The following GRM8 variants were observed in gnomAD, a reference collection of about 807,000 sequenced individuals.
GRM8 encodes glutamate metabotropic receptor 8, also known as metabotropic glutamate receptor 8.
In GRM8, 47 loss-of-function variants were observed where a neutral mutation model predicts 87.2. That is an observed-to-expected ratio of 0.54 (90% CI 0.43 to 0.69). GRM8 has a LOEUF of 0.69. Ranked by LOEUF, GRM8 falls within the 30% of genes least tolerant of loss-of-function variation. The pLI is 0.00. For missense variants in GRM8, 1,019 were observed against 1,139.2 expected (o/e 0.89, Z 1.52); for synonymous variants, 396 against 404.5 (o/e 0.98, Z 0.25).
chr7:126,965,590 T>C (rs1259349374), intron 3 of GRM8, among the ~76,000 whole-genome samples: 1 of 152,160 alleles, frequency 6.6e-6, no homozygotes, highest in Non-Finnish European at 1.5e-5. Context: ...TGACCCAAGA[T>C]ACCTGAAATA....
intron 6 of GRM8, among the ~76,000 whole-genome samples, chr7:126,781,991 G>A (rs563425335): frequency 5.9e-5 from 9 of 152,282 alleles, no homozygotes; most frequent in African/African-American, 2.2e-4. Flanking sequence ...TGGAATTATA[G>A]GCATGAGCCA....
intron 3 of GRM8, among the ~76,000 whole-genome samples, chr7:126,935,942 G>C (rs1485331749): frequency 6.6e-6 from 1 of 152,170 alleles, no homozygotes. Context: ...CAGAGATTCA[G>C]ACAGGGTAAG....
chr7:126,934,023 T>C (rs999467762), intron 3 of GRM8, among the ~76,000 whole-genome samples: 30 of 152,198 alleles, frequency 2.0e-4, no homozygotes, highest in African/African-American at 6.3e-4. Context: ...ACATTGTTCC[T>C]TTTGTATGCC....
intron 2 of GRM8, among the ~76,000 whole-genome samples, chr7:127,113,192 G>T (rs1173325523): frequency 1.9e-4 from 29 of 152,146 alleles, no homozygotes; most frequent in Admixed American, 1.9e-3. Context: ...TCAAAACATT[G>T]CAATAAGCTT....
chr7:126,547,357 C>T (rs1208120820), intron 8 of GRM8, among the ~76,000 whole-genome samples: 4 of 151,910 alleles, frequency 2.6e-5, no homozygotes, highest in Admixed American at 2.0e-4. Flanking sequence ...GTTATTATAA[C>T]TCCAGAGATT....
At chr7:126,959,243 C>T (rs1586598356) in intron 3 of GRM8, among the ~76,000 whole-genome samples, 1 of 152,136 alleles carries the variant, frequency 6.6e-6, no homozygotes, top group Admixed American at 6.5e-5. Context: ...GCAATAAGGA[C>T]AGTCTGCAGA....
intron 8 of GRM8, among the ~76,000 whole-genome samples, chr7:126,606,782 A>T (rs761858920): frequency 6.6e-6 from 1 of 152,246 alleles, no homozygotes; most frequent in Non-Finnish European, 1.5e-5. Flanking sequence ...ACATTTTATG[A>T]ACGATAATAC....
chr7:126,519,203 C>A (rs892678524), intron 9 of GRM8, among the ~76,000 whole-genome samples: 3 of 151,962 alleles, frequency 2.0e-5, no homozygotes, highest in African/African-American at 7.2e-5. Context: ...GAAATACAAC[C>A]ATAGTTGCAT....
chr7:126,502,673 C>T (rs1374625421), intron 9 of GRM8, among the ~76,000 whole-genome samples: 2 of 151,912 alleles, frequency 1.3e-5, no homozygotes, highest in African/African-American at 2.4e-5. Flanking sequence ...ATGATTTATT[C>T]TTGGTAAATG....
At chr7:126,874,747 C>T (rs1015014184) in intron 6 of GRM8, among the ~76,000 whole-genome samples, 1 of 152,090 alleles carries the variant, frequency 6.6e-6, no homozygotes, top group African/African-American at 2.4e-5. Flanking sequence ...GGCCAATGTT[C>T]CTTCTGCATT....
At chr7:126,995,709 C>G (rs1404085412) in intron 3 of GRM8, among the ~76,000 whole-genome samples, 1 of 152,010 alleles carries the variant, frequency 6.6e-6, no homozygotes, top group Non-Finnish European at 1.5e-5. Flanking sequence ...AGTAAGCCTA[C>G]AGAATCTAGA....
intron 2 of GRM8, among the ~76,000 whole-genome samples, chr7:127,159,412 AAG>A (rs766678501): frequency 6.6e-6 from 1 of 152,186 alleles, no homozygotes; most frequent in Non-Finnish European, 1.5e-5. Flanking sequence ...GTCAGGAGAA[AAG>A]AAACACTGGC....
intron 6 of GRM8, among the ~76,000 whole-genome samples, chr7:126,832,701 CCTT>C (rs1282041510): frequency 6.6e-6 from 1 of 152,134 alleles, no homozygotes; most frequent in Non-Finnish European, 1.5e-5. Context: ...ACATGACTAT[CCTT>C]CTCAACAGAA....
intron 3 of GRM8, among the ~76,000 whole-genome samples, chr7:127,041,568 AG>A (rs533306317): frequency 6.6e-6 from 1 of 152,254 alleles, no homozygotes; most frequent in Non-Finnish European, 1.5e-5. Flanking sequence ...AGGCAATTAT[AG>A]TACAATGTAT....
In GRM8 at chr7:126,676,182, G is replaced by T. The variant is rs186512865; in HGVS notation, c.1358-66684C>A. Reference sequence around the variant, plus strand: ...CCTAGGAATATACTTAACCAAGGGGGTGAAAGATCTCTACAAGGAGACTAT... The same window carrying T: ...CCTAGGAATATACTTAACCAAGGGGTTGAAAGATCTCTACAAGGAGACTAT... On this transcript the variant is annotated intron_variant, in intron 7 of 10. Coordinates refer to ENST00000339582, the MANE Select transcript of GRM8 (RefSeq NM_000845.3). 2.0e-5 allele frequency among the ~76,000 whole-genome samples: 3 copies of T among 152,208 alleles called. No individual in the cohort carries two copies. In the East Asian group the frequency reaches 5.8e-4, roughly 29 times the overall value.
chr7:126,690,536 G>A lies in GRM8; in HGVS notation c.1357+79329C>T, dbSNP rs1278551636. On this transcript the variant is annotated intron_variant, in intron 7 of 10. Coordinates refer to ENST00000339582, the MANE Select transcript of GRM8 (RefSeq NM_000845.3). ...GAGTGTGTCACATCCCTGGCTCAGGGAGTTCCTTGGTCTGGGCTCCCCAAA... is the reference window on the plus strand; with the variant it reads ...GAGTGTGTCACATCCCTGGCTCAGGAAGTTCCTTGGTCTGGGCTCCCCAAA... 3.3e-5 allele frequency among the ~76,000 whole-genome samples: 5 copies of A among 152,300 alleles called. No homozygotes were observed. The East Asian group carries it at 9.7e-4, about 29-fold the overall frequency.
chr7:127,046,378 A>C (rs1818930930), intron 3 of GRM8, among the ~76,000 whole-genome samples: 1 of 150,116 alleles, frequency 6.7e-6, no homozygotes, highest in East Asian at 1.9e-4. Flanking sequence ...TCTCAAAAAA[A>C]ATAAAAAATA....
chr7:126,514,629 C>T (rs1562905710), intron 9 of GRM8, among the ~76,000 whole-genome samples: 2 of 151,940 alleles, frequency 1.3e-5, no homozygotes, highest in African/African-American at 2.4e-5. Flanking sequence ...GCAAGAGGAA[C>T]TTTGAATATG....
chr7:127,133,794 TTCTC>T (rs1827818424), intron 2 of GRM8, among the ~76,000 whole-genome samples: 1 of 152,086 alleles, frequency 6.6e-6, no homozygotes, highest in South Asian at 2.1e-4. Flanking sequence ...TCTTTCTTAA[TTCTC>T]TATAATGTGT....
Sources: gnomAD v4.1 joint callset for allele counts (sites outside exome capture counted in the v4.1 genomes callset) on GRCh38, gnomAD v4.1.1 for gene constraint, MANE v1.5 for transcripts, NCBI Gene and HGNC (gene_info 2026-07-23, HGNC 2026-07-21) for gene names.